TMEFF2: variants seen among roughly 807,000 people sequenced by gnomAD.
TMEFF2 encodes tomoregulin-2.
TMEFF2 carries 28 observed loss-of-function variants against 53.8 expected under a neutral mutation model. The observed-to-expected ratio is 0.52, with a 90% CI of 0.39 to 0.71. The LOEUF (loss-of-function observed/expected upper bound fraction) is 0.71, where lower values mean the gene tolerates loss of function less well. Among genes scored for constraint, TMEFF2 ranks in the 30% least tolerant of loss-of-function variants. The pLI is 0.00. For missense variants in TMEFF2, 353 were observed against 455.2 expected, an observed-to-expected ratio of 0.78 and a Z score of 2.04; for synonymous variants, 162 against 166.3, an observed-to-expected ratio of 0.97 and a Z score of 0.20.
intron 4 of TMEFF2, among the ~76,000 whole-genome samples, chr2:192,107,880 T>A (rs779169933): frequency 6.6e-6 from 1 of 151,664 alleles, no homozygotes; most frequent in Non-Finnish European, 1.5e-5. Flanking sequence ...GTCATCCTAT[T>A]CATCCTCTAT....
At chr2:192,064,629 G>T (rs961812423) in intron 4 of TMEFF2, among the ~76,000 whole-genome samples, 1 of 151,718 alleles carries the variant, frequency 6.6e-6, no homozygotes, top group Non-Finnish European at 1.5e-5. Flanking sequence ...CTGATAAAAG[G>T]ATTATATGTT....
intron 5 of TMEFF2, among the ~76,000 whole-genome samples, chr2:192,001,607 T>A (rs1686362129): frequency 6.6e-6 from 1 of 152,128 alleles, no homozygotes; most frequent in East Asian, 1.9e-4. Flanking sequence ...CTATGTGTTG[T>A]GGGAGCGACC....
intron 4 of TMEFF2, among the ~76,000 whole-genome samples, chr2:192,114,064 T>TTGTGTGTGTGTGTGTGTG (rs34553641): frequency 7.0e-6 from 1 of 143,060 alleles, no homozygotes; most frequent in African/African-American, 2.6e-5. Flanking sequence ...AATCTGGAAA[T>TTGTGTGTGTGTGTGTGTG]TGTGTGTGTG....
At chr2:192,187,671 C>T (rs1257068429) in intron 2 of TMEFF2, among the ~76,000 whole-genome samples, 1 of 152,152 alleles carries the variant, frequency 6.6e-6, no homozygotes, top group Non-Finnish European at 1.5e-5. Flanking sequence ...GTTGTACAAA[C>T]TTCCTCTCAG....
intron 4 of TMEFF2, among the ~76,000 whole-genome samples, chr2:192,130,996 G>A (rs1468426483): frequency 1.3e-5 from 2 of 151,938 alleles, no homozygotes; most frequent in South Asian, 2.1e-4. Flanking sequence ...GTCAGACCAC[G>A]CAGGGACGCC....
intron 4 of TMEFF2, among the ~76,000 whole-genome samples, chr2:192,142,885 G>A (rs2105991492): frequency 6.6e-6 from 1 of 152,250 alleles, no homozygotes; most frequent in South Asian, 2.1e-4. Flanking sequence ...TGCTTATGAA[G>A]GACAACTCTA....
chr2:192,042,778 C>T (rs1477300132), intron 5 of TMEFF2, among the ~76,000 whole-genome samples: 3 of 152,114 alleles, frequency 2.0e-5, no homozygotes, highest in African/African-American at 7.2e-5. Context: ...GCTAGGCATG[C>T]CTCAGTTTAA....
chr2:192,160,047 C>T (rs750742713), intron 4 of TMEFF2, among the ~76,000 whole-genome samples: 5 of 152,076 alleles, frequency 3.3e-5, no homozygotes, highest in Non-Finnish European at 1.5e-5. Context: ...AAGATGTTTT[C>T]TATTGTGATA....
At chr2:191,969,507 T>C (rs919699808) in intron 7 of TMEFF2, among the ~76,000 whole-genome samples, 2 of 152,184 alleles carry the variant, frequency 1.3e-5, no homozygotes, top group African/African-American at 4.8e-5. Context: ...TTCAGTCTCC[T>C]TCAGCAAAAG....
chr2:191,968,988 C>T (rs1191148128), intron 7 of TMEFF2, among the ~76,000 whole-genome samples: 2 of 152,132 alleles, frequency 1.3e-5, no homozygotes, highest in Admixed American at 1.3e-4. Flanking sequence ...ACTGCACTAA[C>T]ACACCTGTTA....
At chr2:192,157,533 T>C (rs986194087) in intron 4 of TMEFF2, among the ~76,000 whole-genome samples, 1 of 152,208 alleles carries the variant, frequency 6.6e-6, no homozygotes, top group East Asian at 1.9e-4. Context: ...TATTTGGATA[T>C]ACGTTTCTGA....
At chr2:192,110,923 A>AG in intron 4 of TMEFF2, among the ~76,000 whole-genome samples, 1 of 152,252 alleles carries the variant, frequency 6.6e-6, no homozygotes, top group East Asian at 1.9e-4. Context: ...TGGTTTTATA[A>AG]GGGGAAGCCC....
chr2:192,058,963 T>C (rs908040728), intron 4 of TMEFF2, among the ~76,000 whole-genome samples: 1 of 147,988 alleles, frequency 6.8e-6, no homozygotes, highest in Non-Finnish European at 1.5e-5. Flanking sequence ...TGTTATTTTC[T>C]CTTCATTTCT....
Position 191,986,464 on chromosome 2 carries a change from C to T in TMEFF2, c.745+11798G>A, listed in dbSNP as rs370161508. 3.9e-5 allele frequency among the ~76,000 whole-genome samples: 6 copies of T among 152,062 alleles called. No individual in the cohort carries two copies. The South Asian group carries it at 6.2e-4, about 16-fold the overall frequency. ...CTAAAAGAAAAACAACTTCTTTAGCCAGATGAATTTTCATCATTCTAATGA... is the reference window on the plus strand; with the variant it reads ...CTAAAAGAAAAACAACTTCTTTAGCTAGATGAATTTTCATCATTCTAATGA... On this transcript the variant is annotated intron_variant, in intron 7 of 9. Coordinates refer to ENST00000272771, the MANE Select transcript of TMEFF2 (RefSeq NM_016192.4).
chr2:192,048,701 T>C (rs1471218809), intron 5 of TMEFF2, among the ~76,000 whole-genome samples: 1 of 152,212 alleles, frequency 6.6e-6, no homozygotes, highest in Non-Finnish European at 1.5e-5. Context: ...TTCCCTCTTT[T>C]TCTATTTCTC....
chr2:192,190,108 A>G (rs927502400), intron 2 of TMEFF2, among the ~76,000 whole-genome samples: 2 of 152,208 alleles, frequency 1.3e-5, no homozygotes, highest in Admixed American at 6.5e-5. Flanking sequence ...AAGTTTTACC[A>G]AAATCTTCTG....
chr2:192,068,616 A>G lies in TMEFF2; in HGVS notation c.440-10841T>C, dbSNP rs571026007. Among the ~76,000 whole-genome samples, 27 of 151,980 alleles carry G rather than the reference A, an allele frequency of 1.8e-4. No individual in the cohort carries two copies. The South Asian group carries it at 5.6e-3, about 31-fold the overall frequency. ...TGGACTTTGGATAAAAGAAAGCACT[A>G]AAGTGCTATTTTCTCTCTTTTCTTA... On this transcript the variant is annotated intron_variant, in intron 4 of 9. Coordinates refer to ENST00000272771, the MANE Select transcript of TMEFF2 (RefSeq NM_016192.4).
chr2:192,025,616 A>T (rs1686953686), intron 5 of TMEFF2, among the ~76,000 whole-genome samples: 1 of 151,824 alleles, frequency 6.6e-6, no homozygotes, highest in Admixed American at 6.6e-5. Flanking sequence ...ATGGGAAGAG[A>T]TCTGTAGATG....
chr2:191,992,168 T>G (rs1686124041), intron 7 of TMEFF2, among the ~76,000 whole-genome samples: 1 of 152,114 alleles, frequency 6.6e-6, no homozygotes. Flanking sequence ...ACATTTTTAT[T>G]TATTTCACTG....
Sources: gnomAD v4.1 joint callset for allele counts (sites outside exome capture counted in the v4.1 genomes callset) on GRCh38, gnomAD v4.1.1 for gene constraint, MANE v1.5 for transcripts, NCBI Gene and HGNC (gene_info 2026-07-23, HGNC 2026-07-21) for gene names.